Variants in NEGR1 observed in about 807,000 individuals in gnomAD.
NEGR1 encodes IgLON family member 4.
NEGR1 carries 10 observed loss-of-function variants against 40.9 expected under a neutral mutation model. The ratio of observed to expected loss-of-function variants is 0.24; its 90% CI spans 0.15 to 0.42. NEGR1 has a LOEUF of 0.42. Among genes scored for constraint, NEGR1 ranks in the 10% least tolerant of loss-of-function variants. NEGR1 has a pLI of 1.00. For missense variants in NEGR1, 352 were observed against 438.9 expected (o/e 0.80, Z 1.77); for synonymous variants, 185 against 166.8 (o/e 1.11, Z -0.84).
intron 6 of NEGR1, among the ~76,000 whole-genome samples, chr1:71,451,333 A>T (rs1004287258): frequency 2.9e-5 from 4 of 138,370 alleles, no homozygotes; most frequent in African/African-American, 8.2e-5. Flanking sequence ...AGTGCTACAG[A>T]TTTTTTTTTT....
intron 2 of NEGR1, among the ~76,000 whole-genome samples, chr1:71,907,818 AGCC>A (rs1325605356): frequency 6.6e-6 from 1 of 152,154 alleles, no homozygotes; most frequent in Admixed American, 6.5e-5. Flanking sequence ...AATACTATGC[AGCC>A]ATGAAAAGAA....
chr1:72,206,285 A>G (rs1372198697), intron 1 of NEGR1, among the ~76,000 whole-genome samples: 1 of 152,066 alleles, frequency 6.6e-6, no homozygotes, highest in Non-Finnish European at 1.5e-5. Context: ...TGGCACAAAT[A>G]TATTTTTGAA....
chr1:72,179,213 T>G (rs1652278105), intron 1 of NEGR1, among the ~76,000 whole-genome samples: 2 of 152,094 alleles, frequency 1.3e-5, no homozygotes, highest in Non-Finnish European at 2.9e-5. Flanking sequence ...CTTTCAATCC[T>G]GCATATGGCT....
At chr1:71,711,238 G>T (rs1173248455) in intron 3 of NEGR1, among the ~76,000 whole-genome samples, 2 of 150,624 alleles carry the variant, frequency 1.3e-5, no homozygotes, top group African/African-American at 2.4e-5. Flanking sequence ...CCAGCTACGC[G>T]GGAGGCTGAG....
intron 1 of NEGR1, among the ~76,000 whole-genome samples, chr1:72,156,069 C>A (rs751630457): frequency 1.3e-5 from 2 of 151,972 alleles, no homozygotes; most frequent in Non-Finnish European, 2.9e-5. Context: ...TTGAAAAAGG[C>A]CTACAACCTC....
rs1646267031 is a variant in NEGR1, at chr1:71,404,661, A to G, written c.*2785T>C. 6.6e-6 allele frequency: 1 copy of G among 150,660 alleles called. No homozygotes were observed. The highest frequency in any genetic ancestry group is 2.1e-4 in the South Asian group (1 of 4,782). The allele number at this position is 150,660 out of a possible 1,614,324, so 9.3% of individuals were successfully genotyped here. Reference sequence around the variant, plus strand: ...TCTCCATTCTCATTTTTAAACTGCTACTTATTTTTCTTTCTTCCTTCTTTA... The same window carrying G: ...TCTCCATTCTCATTTTTAAACTGCTGCTTATTTTTCTTTCTTCCTTCTTTA... On this transcript the variant is annotated 3_prime_UTR_variant, in exon 7 of 7. Transcript: ENST00000357731.
intron 6 of NEGR1, among the ~76,000 whole-genome samples, chr1:71,443,269 G>A (rs74089347): frequency 0.035 from 5,281 of 152,172 alleles, 325 homozygotes; most frequent in African/African-American, 0.12. Context: ...GCCTTTATAA[G>A]TCTTTCCTCT....
rs529596977 is a variant in NEGR1 at position 71,833,222 on chromosome 1, G to A, written c.410-56925C>T. Among the ~76,000 whole-genome samples, 8 of 152,082 alleles carry A rather than the reference G, an allele frequency of 5.3e-5. No individual in the cohort carries two copies. In the South Asian group the frequency reaches 1.7e-3, roughly 32 times the overall value. On this transcript the variant is annotated intron_variant, in intron 2 of 6. Coordinates refer to ENST00000357731, the MANE Select transcript of NEGR1 (RefSeq NM_173808.3). ...TAGAAATATAAGTCAAATGCATTAT[G>A]AACATCATTTTTTAAGTGAGAAAGG...
At chr1:71,884,708 GA>G (rs1476921534) in intron 2 of NEGR1, among the ~76,000 whole-genome samples, 1 of 152,040 alleles carries the variant, frequency 6.6e-6, no homozygotes, top group Non-Finnish European at 1.5e-5. Context: ...AGTACATGAA[GA>G]AAAGTTACAC....
At chr1:72,018,692 A>G (rs1646732224) in intron 1 of NEGR1, among the ~76,000 whole-genome samples, 2 of 152,218 alleles carry the variant, frequency 1.3e-5, no homozygotes, top group Admixed American at 1.3e-4. Context: ...GCTGAAAGAA[A>G]GAAGTGCATA....
At chr1:71,873,900 C>T (rs950763907) in intron 2 of NEGR1, among the ~76,000 whole-genome samples, 3 of 152,114 alleles carry the variant, frequency 2.0e-5, no homozygotes, top group Admixed American at 6.6e-5. Flanking sequence ...ATCCAAGATA[C>T]TCAAGACAGT....
intron 6 of NEGR1, among the ~76,000 whole-genome samples, chr1:71,416,536 G>T (rs961051968): frequency 1.3e-5 from 2 of 152,050 alleles, no homozygotes; most frequent in Non-Finnish European, 2.9e-5. Context: ...TTGTAGTTCT[G>T]ATTTACTTAA....
chr1:72,110,606 A>G (rs1405528369), intron 1 of NEGR1, among the ~76,000 whole-genome samples: 1 of 151,636 alleles, frequency 6.6e-6, no homozygotes, highest in Non-Finnish European at 1.5e-5. Flanking sequence ...ACCCGAAAAA[A>G]CTTTCTCTAA....
intron 1 of NEGR1, among the ~76,000 whole-genome samples, chr1:71,990,892 G>A (rs931732477): frequency 6.7e-6 from 1 of 148,642 alleles, no homozygotes; most frequent in Non-Finnish European, 1.5e-5. Context: ...ATCTATATCT[G>A]TAGGCATATA....
At chr1:71,506,474 C>A (rs1314675505) in intron 6 of NEGR1, among the ~76,000 whole-genome samples, 1 of 152,058 alleles carries the variant, frequency 6.6e-6, no homozygotes, top group Non-Finnish European at 1.5e-5. Flanking sequence ...TGGAAGCGAA[C>A]CTTTGGTGGG....
At chr1:71,671,829 A>T (rs1462674010) in intron 4 of NEGR1, among the ~76,000 whole-genome samples, 4 of 149,296 alleles carry the variant, frequency 2.7e-5, no homozygotes, top group Non-Finnish European at 5.9e-5. Flanking sequence ...AACTACTCTC[A>T]CTGGATGTTT....
chr1:71,730,483 A>T (rs1327262116), intron 3 of NEGR1, among the ~76,000 whole-genome samples: 2 of 150,104 alleles, frequency 1.3e-5, no homozygotes, highest in Non-Finnish European at 3.0e-5. Context: ...TATAAGATGC[A>T]AATTACTATC....
chr1:72,063,979 T>G (rs952969784), intron 1 of NEGR1, among the ~76,000 whole-genome samples: 1 of 151,958 alleles, frequency 6.6e-6, no homozygotes, highest in African/African-American at 2.4e-5. Context: ...GGCTTACAGT[T>G]TCAATTTCAG....
At chr1:72,161,443 G>C (rs997232416) in intron 1 of NEGR1, among the ~76,000 whole-genome samples, 2 of 151,960 alleles carry the variant, frequency 1.3e-5, no homozygotes, top group Admixed American at 1.3e-4. Context: ...TGGAGGCATC[G>C]TTGATTGCCA....
Sources: gnomAD v4.1 joint callset for allele counts (sites outside exome capture counted in the v4.1 genomes callset) on GRCh38, gnomAD v4.1.1 for gene constraint, MANE v1.5 for transcripts, NCBI Gene and HGNC (gene_info 2026-07-23, HGNC 2026-07-21) for gene names.